Variants in RPS6KC1 observed in about 807,000 individuals in gnomAD.
The protein encoded by RPS6KC1 is inactive ribosomal protein S6 kinase delta-1.
A neutral mutation model predicts 103.8 loss-of-function variants in RPS6KC1; 54 were observed. The ratio of observed to expected loss-of-function variants is 0.52; its 90% CI spans 0.42 to 0.65. The LOEUF is 0.65. RPS6KC1 is among the 30% of genes least tolerant of loss of function. The pLI, the probability that RPS6KC1 is intolerant of heterozygous loss-of-function variation, is 0.00. For synonymous variants in RPS6KC1, 439 were observed against 438.7 expected (o/e 1.00, Z -0.01); for missense variants, 1,151 against 1,253.8 (o/e 0.92, Z 1.24).
the RPS6KC1 span, among the ~76,000 whole-genome samples, chr1:213,850,604 T>C: frequency 6.6e-6 from 1 of 152,188 alleles, no homozygotes; most frequent in Non-Finnish European, 1.5e-5. Context: ...AGTTACTGTC[T>C]CCAAACCTAT....
At chr1:213,507,716 T>G in the RPS6KC1 span, among the ~76,000 whole-genome samples, 10,692 of 152,216 alleles carry the variant, frequency 0.07, 1,175 homozygotes, top group African/African-American at 0.23. Flanking sequence ...CTGTCTCAAG[T>G]ATGCCCAGGC....
intron 8 of RPS6KC1, among the ~76,000 whole-genome samples, chr1:213,211,720 C>T (rs1486403285): frequency 6.6e-6 from 1 of 152,096 alleles, no homozygotes; most frequent in Non-Finnish European, 1.5e-5. Context: ...TGAGGAATGG[C>T]TTATGTTCAT....
At chr1:213,275,186 T>C (rs2095109661), downstream of RPS6KC1, among the ~76,000 whole-genome samples, 1 of 152,238 alleles carries the variant, frequency 6.6e-6, no homozygotes. Context: ...TATTACCACA[T>C]TTTGTTTAGC....
At chr1:213,337,108 T>C in the RPS6KC1 span, among the ~76,000 whole-genome samples, 38 of 152,204 alleles carry the variant, frequency 2.5e-4, no homozygotes, top group Non-Finnish European at 5.9e-5. Flanking sequence ...GGTTTTCCAG[T>C]AATTTAATTT....
the RPS6KC1 span, among the ~76,000 whole-genome samples, chr1:213,309,844 C>T: frequency 1.3e-5 from 2 of 152,090 alleles, no homozygotes; most frequent in Non-Finnish European, 2.9e-5. Flanking sequence ...GCCACAATGC[C>T]TGGCTAATTT....
At chr1:213,454,702 C>A in the RPS6KC1 span, among the ~76,000 whole-genome samples, 1 of 152,176 alleles carries the variant, frequency 6.6e-6, no homozygotes, top group African/African-American at 2.4e-5. Flanking sequence ...TAGATAAACC[C>A]AAACCACTTG....
the RPS6KC1 span, among the ~76,000 whole-genome samples, chr1:213,284,143 C>G: frequency 2.0e-4 from 31 of 152,088 alleles, no homozygotes; most frequent in East Asian, 4.8e-3. Context: ...TTAGAAAGCT[C>G]AGAAATGAGT....
At chr1:213,317,463 A>G in the RPS6KC1 span, among the ~76,000 whole-genome samples, 3 of 152,196 alleles carry the variant, frequency 2.0e-5, no homozygotes, top group African/African-American at 7.2e-5. Flanking sequence ...AAGCTCTTTC[A>G]CGTCTCAAGG....
the RPS6KC1 span, among the ~76,000 whole-genome samples, chr1:213,714,206 T>C: frequency 6.6e-6 from 1 of 152,238 alleles, no homozygotes; most frequent in Non-Finnish European, 1.5e-5. Context: ...CCACATAGTG[T>C]AGGCCAACTG....
chr1:213,807,565 A>G, the RPS6KC1 span, among the ~76,000 whole-genome samples: 1 of 152,152 alleles, frequency 6.6e-6, no homozygotes, highest in East Asian at 1.9e-4. Context: ...CTTCCAGTTG[A>G]TCGCATCAGA....
intron 8 of RPS6KC1, among the ~76,000 whole-genome samples, chr1:213,207,820 T>A (rs575030605): frequency 1.3e-5 from 2 of 152,020 alleles, no homozygotes; most frequent in Non-Finnish European, 2.9e-5. Flanking sequence ...ATTACAGGTG[T>A]CCACCTCCAT....
chr1:213,625,785 T>A, the RPS6KC1 span, among the ~76,000 whole-genome samples: 1 of 152,216 alleles, frequency 6.6e-6, no homozygotes, highest in African/African-American at 2.4e-5. Context: ...CTGCATAGTA[T>A]TCCATGGTGT....
At chr1:213,491,207 A>C in the RPS6KC1 span, among the ~76,000 whole-genome samples, 1 of 152,184 alleles carries the variant, frequency 6.6e-6, no homozygotes, top group African/African-American at 2.4e-5. Context: ...GTGCCTCCCC[A>C]TTAAGTAAGT....
the RPS6KC1 span, among the ~76,000 whole-genome samples, chr1:213,589,275 T>C: frequency 6.6e-6 from 1 of 152,234 alleles, no homozygotes; most frequent in Admixed American, 6.5e-5. Context: ...AGCTTGTTGA[T>C]GGACCTAGGA....
At chr1:213,658,149 A>G in the RPS6KC1 span, among the ~76,000 whole-genome samples, 1 of 152,186 alleles carries the variant, frequency 6.6e-6, no homozygotes, top group Admixed American at 6.5e-5. Context: ...GTTTTGTGTA[A>G]TGTTTAAAGA....
chr1:213,316,553 G>A, the RPS6KC1 span, among the ~76,000 whole-genome samples: 4 of 152,182 alleles, frequency 2.6e-5, no homozygotes, highest in Admixed American at 6.5e-5. Flanking sequence ...AAATTGCTAG[G>A]GATATAAGAG....
chr1:213,538,527 G>A, the RPS6KC1 span, among the ~76,000 whole-genome samples: 10 of 152,122 alleles, frequency 6.6e-5, no homozygotes, highest in African/African-American at 2.2e-4. Context: ...AAGGTAGAAC[G>A]AGAAAATAAT....
At chr1:213,310,546 C>G in the RPS6KC1 span, among the ~76,000 whole-genome samples, 2 of 152,156 alleles carry the variant, frequency 1.3e-5, no homozygotes, top group Non-Finnish European at 2.9e-5. Context: ...ACCCCATCAC[C>G]CTTTTCTACT....
the RPS6KC1 span, among the ~76,000 whole-genome samples, chr1:213,686,155 T>A: frequency 1.8e-4 from 27 of 152,330 alleles, no homozygotes; most frequent in South Asian, 1.2e-3. Flanking sequence ...AATAAAAAAG[T>A]ACAAACAGAG....
Sources: allele counts gnomAD v4.1 joint callset (sites outside exome capture counted in the v4.1 genomes callset), GRCh38; gene constraint gnomAD v4.1.1; transcripts MANE v1.5; gene names NCBI Gene and HGNC (gene_info 2026-07-23, HGNC 2026-07-21).